Variants in NDUFS2 observed in about 807,000 individuals in gnomAD.
NDUFS2 encodes NADH dehydrogenase [ubiquinone] iron-sulfur protein 2, mitochondrial.
In NDUFS2, 38 loss-of-function variants were observed where a neutral mutation model predicts 69.6. The ratio of observed to expected loss-of-function variants is 0.55; its 90% CI spans 0.42 to 0.72. The LOEUF (loss-of-function observed/expected upper bound fraction) is 0.72. Ranked by LOEUF, NDUFS2 falls within the 30% of genes least tolerant of loss-of-function variation. The pLI, the probability that NDUFS2 is intolerant of heterozygous loss-of-function variation, is 0.00. For missense variants in NDUFS2, 468 were observed against 595.0 expected (o/e 0.79, Z 2.22); for synonymous variants, 194 against 211.2 (o/e 0.92, Z 0.70).
At chr1:161,200,438 G>C (rs973256231), upstream of NDUFS2, among the ~76,000 whole-genome samples, 3 of 152,128 alleles carry the variant, frequency 2.0e-5, no homozygotes, top group Admixed American at 1.3e-4. Flanking sequence ...AGGAAGGAGA[G>C]TGCAGTCAGC....
chr1:161,210,742 C>G, intron 9 of NDUFS2, 32 bp downstream of exon 9: 1 of 1,613,700 alleles, frequency 6.2e-7, no homozygotes, highest in Non-Finnish European at 8.5e-7. Context: ...GGCTGATATT[C>G]CAGCTAGTTT....
intron 2 of NDUFS2, among the ~76,000 whole-genome samples, chr1:161,204,646 A>G (rs1424747230): frequency 6.6e-6 from 1 of 152,214 alleles, no homozygotes; most frequent in East Asian, 1.9e-4. Context: ...ACAAACTTAC[A>G]GTAACAATAG....
chr1:161,212,239 A>G, intron 9 of NDUFS2, 112 bp from the exon 10 acceptor site: 3 of 1,357,426 alleles, frequency 2.2e-6, no homozygotes, highest in Non-Finnish European at 3.1e-6. Context: ...ACTTGGAGAA[A>G]AGAGTGGGGA....
chr1:161,210,581 C>G lies in NDUFS2; in HGVS notation c.867-10C>G, dbSNP rs1341251368. 1 of 1,614,018 alleles carries G rather than the reference C, an allele frequency of 6.2e-7. No individual in the cohort carries two copies. The highest frequency in any genetic ancestry group is 8.5e-7 in the Non-Finnish European group (1 of 1,180,028). ...GAGAGTGGCCCTTATTCCCATTATG[C>G]TCTCCACAGTGGAGTGATGCTTCGG... On this transcript the variant is annotated splice_polypyrimidine_tract_variant and intron_variant, in intron 8 of 13. Transcript: ENST00000676972.
chr1:161,200,798 G>T (rs1665083202), upstream of NDUFS2, among the ~76,000 whole-genome samples: 1 of 152,164 alleles, frequency 6.6e-6, no homozygotes, highest in Non-Finnish European at 1.5e-5. Flanking sequence ...TCCCCTATTT[G>T]AGATGAGGAC....
chr1:161,202,125 A>G (rs1230552794), upstream of NDUFS2: 2 of 550,624 alleles, frequency 3.6e-6, no homozygotes, highest in Admixed American at 3.0e-5. Context: ...AGGAACGGCA[A>G]TTTTCCCTTG....
chr1:161,200,582 G>T (rs1014306547), upstream of NDUFS2, among the ~76,000 whole-genome samples: 1 of 151,804 alleles, frequency 6.6e-6, no homozygotes, highest in African/African-American at 2.4e-5. Context: ...TCCTGCTCAG[G>T]TCGGTAATAC....
chr1:161,213,337 G>T (rs1203662684), intron 10 of NDUFS2, 43 bp from the exon 11 acceptor site: 1 of 1,387,942 alleles, frequency 7.2e-7, no homozygotes. Context: ...AGGAGACAGA[G>T]TTTGGATATG....
intron 2 of NDUFS2, among the ~76,000 whole-genome samples, chr1:161,205,307 C>T (rs1050985034): frequency 6.6e-6 from 1 of 152,162 alleles, no homozygotes; most frequent in Non-Finnish European, 1.5e-5. Flanking sequence ...ACCACTACCC[C>T]CTACTTTGTC....
chr1:161,199,770 C>G (rs548323969), upstream of NDUFS2, among the ~76,000 whole-genome samples: 161 of 152,032 alleles, frequency 1.1e-3, no homozygotes, highest in African/African-American at 3.6e-3. Flanking sequence ...AGGGTGGCAC[C>G]TCCTCTTTTC....
chr1:161,207,688 C>G (rs976795899), intron 3 of NDUFS2, among the ~76,000 whole-genome samples: 1 of 148,364 alleles, frequency 6.7e-6, no homozygotes, highest in Non-Finnish European at 1.5e-5. Context: ...GATGGTGCTA[C>G]TGCACTCCAG....
chr1:161,210,683 T>C lies in NDUFS2; in HGVS notation c.959T>C (p.Val320Ala), dbSNP rs144937332. 1.6e-4 allele frequency: 252 copies of C among 1,614,100 alleles called. 1 individual carries two copies. The African/African-American group carries it at 2.4e-3, about 15-fold the overall frequency. The change falls in exon 9 of 14, where the codon GTT (valine) becomes GCT (alanine). Residue 320 changes from valine (V) to alanine (A), a missense_variant. Transcript: ENST00000676972. ...VYDQVEFDVPVGSRGDCYDRY... is the reference protein window; with the variant it reads ...VYDQVEFDVPAGSRGDCYDRY... ...GACCAGGTTGAGTTTGATGTTCCTG[T>C]TGGTTCTCGAGGGGACTGCTATGAT...
chr1:161,203,027 C>T (rs1428555198), intron 1 of NDUFS2, among the ~76,000 whole-genome samples: 3 of 152,136 alleles, frequency 2.0e-5, no homozygotes, highest in Non-Finnish European at 4.4e-5. Flanking sequence ...AGGACATTGG[C>T]TGGGCGCGGT....
chr1:161,200,693 G>A (rs1665077753), upstream of NDUFS2, among the ~76,000 whole-genome samples: 1 of 152,132 alleles, frequency 6.6e-6, no homozygotes, highest in Non-Finnish European at 1.5e-5. Context: ...TAAGCCAACG[G>A]GGCTGGGACT....
chr1:161,202,423 T>C lies in NDUFS2; in HGVS notation c.38T>C (p.Val13Ala), dbSNP rs1396630476. 1 of 1,612,862 alleles carries C rather than the reference T, an allele frequency of 6.2e-7. No individual in the cohort carries two copies. Among genetic ancestry groups the C allele is most frequent in the Admixed American group, 1.7e-5 (1 of 59,912 alleles). The change falls in exon 1 of 14, where the codon GTC (valine) becomes GCC (alanine). Residue 13 changes from valine (V) to alanine (A), a missense_variant. Coordinates refer to ENST00000676972, the MANE Select transcript of NDUFS2 (RefSeq NM_001377299.1). ...AGGGCTTTGTGCGGCTTCCGGGGCG[T>C]CGCGGCCCAGGTGCTGCGGCCTGGG... ...ALRALCGFRGVAAQVLRPGAG... is the reference protein window; with the variant it reads ...ALRALCGFRGAAAQVLRPGAG...
upstream of NDUFS2, chr1:161,198,707 C>A: frequency 7.6e-7 from 1 of 1,323,382 alleles, no homozygotes; most frequent in South Asian, 1.5e-5. This position sits in a 1 kb window ranked among gnomAD's most constrained non-coding sequence, Gnocchi z 4.7. Context: ...GAAAGCTCCT[C>A]TCTGTAGCCT....
intron 3 of NDUFS2, among the ~76,000 whole-genome samples, chr1:161,206,892 G>C (rs1004191510): frequency 6.6e-6 from 1 of 152,136 alleles, no homozygotes; most frequent in African/African-American, 2.4e-5. Flanking sequence ...CTGCTCTTAC[G>C]TTAGACTAGT....
chr1:161,198,213 C>T, upstream of NDUFS2: 1 of 1,614,114 alleles, frequency 6.2e-7, no homozygotes. This position sits in a 1 kb window ranked among gnomAD's most constrained non-coding sequence, Gnocchi z 4.7. Context: ...AGAGATGCCA[C>T]CGACTCCGGA....
At chr1:161,198,142 G>A (rs772252572), upstream of NDUFS2, 1 of 1,614,062 alleles carries the variant, frequency 6.2e-7, no homozygotes, top group Non-Finnish European at 8.5e-7. The surrounding 1 kb of genome is among the most constrained non-coding windows in gnomAD (Gnocchi z 4.7). Flanking sequence ...CCAGGGGCTG[G>A]AGGTGGAGTT....
Sources: gnomAD v4.1 joint callset for allele counts (sites outside exome capture counted in the v4.1 genomes callset) on GRCh38, gnomAD v4.1.1 for gene constraint, Gnocchi (gnomAD v3.1) non-coding constraint, MANE v1.5 for transcripts, NCBI Gene and HGNC (gene_info 2026-07-23, HGNC 2026-07-21) for gene names.